The following TMTC1 variants were observed in gnomAD, a reference collection of about 807,000 sequenced individuals.
TMTC1 encodes the protein transmembrane O-mannosyltransferase targeting cadherins 1.
A neutral mutation model predicts 104.8 loss-of-function variants in TMTC1; 73 were observed. That is an observed-to-expected ratio of 0.70 (90% CI 0.58 to 0.85). The LOEUF (loss-of-function observed/expected upper bound fraction) is 0.85, where lower values mean the gene tolerates loss of function less well. Among genes scored for constraint, TMTC1 ranks in the 40% least tolerant of loss-of-function variants. The pLI, the probability that TMTC1 is intolerant of heterozygous loss-of-function variation, is 0.00. For synonymous variants in TMTC1, 434 were observed against 428.7 expected, an observed-to-expected ratio of 1.01 and a Z score of -0.15; for missense variants, 1,035 against 1,096.1, an observed-to-expected ratio of 0.94 and a Z score of 0.79.
In TMTC1 at chr12:29,501,803, C is replaced by A. The variant is rs1315429470; in HGVS notation, c.*5043G>T. 6.6e-6 allele frequency: 1 copy of A among 151,972 alleles called. No individual in the cohort carries two copies. Among genetic ancestry groups the A allele is most frequent in the Non-Finnish European group, 1.5e-5 (1 of 67,986 alleles). 9.4% of individuals were successfully genotyped at this position (151,972 alleles called of 1,614,324 possible). A position where few individuals can be genotyped will look rare whatever the true frequency, so the allele number is the denominator to read the frequency against. ...CCCTAAAGATTTTAATTGAAAAGATCAATTAAAATCAATATTTTAATATCA... is the reference window on the plus strand; with the variant it reads ...CCCTAAAGATTTTAATTGAAAAGATAAATTAAAATCAATATTTTAATATCA... On this transcript the variant is annotated 3_prime_UTR_variant, in exon 18 of 18. Transcript: ENST00000539277.
chr12:29,638,796 G>C (rs1443058600), intron 5 of TMTC1, among the ~76,000 whole-genome samples: 1 of 152,146 alleles, frequency 6.6e-6, no homozygotes, highest in Non-Finnish European at 1.5e-5. Flanking sequence ...ACCCTGCCAG[G>C]GGGATAAGGG....
intron 1 of TMTC1, among the ~76,000 whole-genome samples, chr12:29,769,055 T>G (rs1333974564): frequency 6.6e-6 from 1 of 152,158 alleles, no homozygotes; most frequent in Non-Finnish European, 1.5e-5. Context: ...GGTCTTCAAT[T>G]CTCAGGCCTT....
At chr12:29,578,273 C>T (rs1422005345) in intron 8 of TMTC1, among the ~76,000 whole-genome samples, 1 of 151,916 alleles carries the variant, frequency 6.6e-6, no homozygotes, top group African/African-American at 2.4e-5. Flanking sequence ...CCTTTATGTT[C>T]TCTCTGTGAT....
chr12:29,783,500 G>C lies in TMTC1; in HGVS notation c.252C>G (p.Ala84=). The C allele has an allele frequency of 1.4e-6, 2 of 1,411,004 alleles. No individual in the cohort carries two copies. The highest frequency in any genetic ancestry group is 1.9e-6 in the Non-Finnish European group (2 of 1,078,116). The allele number at this position is 1,411,004 out of a possible 1,614,324, so 87.4% of individuals were successfully genotyped here. ...FTNDFWGKGM[A]ENTSHKSYRP... is the part of the protein sequence containing the mutation. ...GGTAGGACTTGTGGCTGGTGTTCTC[G>C]GCCATGCCCTTGCCCCAGAAGTCGT... Residue 84 remains alanine (A), a synonymous_variant, in exon 1 of 18, where the codon GCC becomes GCG. Transcript: ENST00000539277. This position sits in a 1 kb window ranked among gnomAD's most constrained non-coding sequence, Gnocchi z 4.7.
chr12:29,674,051 G>T (rs12371514), intron 5 of TMTC1, among the ~76,000 whole-genome samples: 2 of 151,348 alleles, frequency 1.3e-5, no homozygotes, highest in Non-Finnish European at 2.9e-5. Context: ...GAGCCACCAC[G>T]CCCAGCCTTG....
intron 9 of TMTC1, among the ~76,000 whole-genome samples, chr12:29,565,570 G>T (rs748289985): frequency 3.9e-5 from 6 of 152,218 alleles, no homozygotes; most frequent in Non-Finnish European, 2.9e-5. Flanking sequence ...TATAAGGCCA[G>T]GTGGAGTGGC....
intron 6 of TMTC1, chr12:29,609,774 C>G (rs922901750): frequency 6.6e-6 from 1 of 152,332 alleles, no homozygotes; most frequent in African/African-American, 2.4e-5. Flanking sequence ...TGCCTGAGCT[C>G]TGCACAAATG....
chr12:29,605,455 G>A (rs1051446136), intron 6 of TMTC1, among the ~76,000 whole-genome samples: 10 of 150,408 alleles, frequency 6.6e-5, no homozygotes, highest in African/African-American at 2.2e-4. Flanking sequence ...AATAATTAAT[G>A]GATCTATAAG....
At chr12:29,625,589 T>C (rs1375295488) in intron 6 of TMTC1, among the ~76,000 whole-genome samples, 1 of 152,234 alleles carries the variant, frequency 6.6e-6, no homozygotes, top group Non-Finnish European at 1.5e-5. Flanking sequence ...GCTGGAATGT[T>C]CTGCTAAGTT....
intron 2 of TMTC1, among the ~76,000 whole-genome samples, chr12:29,759,234 A>C (rs142290141): frequency 6.6e-6 from 1 of 152,228 alleles, no homozygotes. Context: ...GATGGCTCAC[A>C]TCTGTAATCT....
At chr12:29,652,520 T>C (rs1321391734) in intron 5 of TMTC1, among the ~76,000 whole-genome samples, 1 of 152,186 alleles carries the variant, frequency 6.6e-6, no homozygotes, top group Non-Finnish European at 1.5e-5. Flanking sequence ...CAAAGTGGCC[T>C]TCAGAAACAA....
intron 5 of TMTC1, among the ~76,000 whole-genome samples, chr12:29,668,454 C>CTTTTTTTTTTTTTTTTTTTTTTTTTT (rs66652706): frequency 2.2e-5 from 2 of 90,096 alleles, no homozygotes; most frequent in African/African-American, 4.5e-5. Context: ...ACCAACTTAT[C>CTTTTTTTTTTTTTTTTTTTTTTTTTT]TTTTTTTTTT....
intron 9 of TMTC1, among the ~76,000 whole-genome samples, chr12:29,568,083 T>A (rs941916938): frequency 7.9e-5 from 12 of 152,178 alleles, no homozygotes; most frequent in African/African-American, 2.9e-4. Context: ...TACAAAGAAT[T>A]ATATCAGTAG....
At chr12:29,755,670 T>G in intron 4 of TMTC1, 39 bp downstream of exon 4, 7 of 1,586,834 alleles carry the variant, frequency 4.4e-6, no homozygotes, top group Non-Finnish European at 6.0e-6. Context: ...TCTCTGCCCA[T>G]GACATGCCAT....
At chr12:29,531,414 A>G (rs1265563300) in intron 11 of TMTC1, among the ~76,000 whole-genome samples, 1 of 152,196 alleles carries the variant, frequency 6.6e-6, no homozygotes, top group East Asian at 1.9e-4. Context: ...AAGCACATGA[A>G]GGAAAAATAT....
At chr12:29,674,704 G>A (rs978824083) in intron 5 of TMTC1, among the ~76,000 whole-genome samples, 4 of 152,136 alleles carry the variant, frequency 2.6e-5, no homozygotes, top group African/African-American at 4.8e-5. Context: ...TCTGTTCAAC[G>A]ACCTGTGGTG....
intron 5 of TMTC1, among the ~76,000 whole-genome samples, chr12:29,721,378 T>C (rs1164277543): frequency 6.6e-6 from 1 of 152,038 alleles, no homozygotes; most frequent in Non-Finnish European, 1.5e-5. Context: ...GATAGAAAAA[T>C]GTATCAGCCA....
chr12:29,658,281 G>A (rs1939852616), intron 5 of TMTC1: 1 of 152,142 alleles, frequency 6.6e-6, no homozygotes, highest in Non-Finnish European at 1.5e-5. Flanking sequence ...TTAAAGGTAT[G>A]TAAAACTATG....
intron 11 of TMTC1, among the ~76,000 whole-genome samples, chr12:29,527,234 A>G (rs1944373467): frequency 6.6e-6 from 1 of 152,232 alleles, no homozygotes; most frequent in Admixed American, 6.5e-5. Flanking sequence ...GAGGGAGAAG[A>G]GGCTCTGTTT....
Sources: gnomAD v4.1 joint callset for allele counts (sites outside exome capture counted in the v4.1 genomes callset) on GRCh38, gnomAD v4.1.1 for gene constraint, Gnocchi (gnomAD v3.1) non-coding constraint, MANE v1.5 for transcripts, NCBI Gene and HGNC (gene_info 2026-07-23, HGNC 2026-07-21) for gene names.